KCND2: variants seen among roughly 807,000 people sequenced by gnomAD.
The protein encoded by KCND2 is A-type voltage-gated potassium channel KCND2.
In KCND2, 16 loss-of-function variants were observed where a neutral mutation model predicts 54.4. The ratio of observed to expected loss-of-function variants is 0.29; its 90% CI spans 0.20 to 0.45. The LOEUF is 0.45. KCND2 is among the 20% of genes least tolerant of loss of function. The probability of loss-of-function intolerance (pLI) is 1.00; values close to 1 mark genes in which losing one functional copy is unlikely to be tolerated. For missense variants in KCND2, 486 were observed against 824.2 expected, an observed-to-expected ratio of 0.59 and a Z score of 5.02; for synonymous variants, 317 against 310.7, an observed-to-expected ratio of 1.02 and a Z score of -0.21.
chr7:120,642,571 A>AAAAAAT (rs1187142437), intron 1 of KCND2, among the ~76,000 whole-genome samples: 27 of 149,196 alleles, frequency 1.8e-4, no homozygotes, highest in East Asian at 5.9e-4. Flanking sequence ...ATAAAAAATA[A>AAAAAAT]AAAAAAATAT....
chr7:120,739,139 T>C (rs1245340234), intron 2 of KCND2, among the ~76,000 whole-genome samples: 1 of 152,014 alleles, frequency 6.6e-6, no homozygotes, highest in Admixed American at 6.6e-5. Context: ...CATTTTATTT[T>C]GCTGGACTGT....
chr7:120,545,039 C>T (rs1261344977), intron 1 of KCND2, among the ~76,000 whole-genome samples: 1 of 151,868 alleles, frequency 6.6e-6, no homozygotes, highest in African/African-American at 2.4e-5. Flanking sequence ...GATCTTTTCA[C>T]ATTTCTGTAA....
At chr7:120,321,219 A>C (rs2116330202) in intron 1 of KCND2, among the ~76,000 whole-genome samples, 1 of 152,288 alleles carries the variant, frequency 6.6e-6, no homozygotes, top group South Asian at 2.1e-4. Context: ...TAATAATCAT[A>C]ATAACTTGTG....
intron 1 of KCND2, among the ~76,000 whole-genome samples, chr7:120,306,648 T>C (rs571454275): frequency 6.6e-6 from 1 of 152,210 alleles, no homozygotes; most frequent in African/African-American, 2.4e-5. Flanking sequence ...AATTATCATA[T>C]TCCTCAAAAA....
chr7:120,537,187 ATCTTCTTGTACATTTCTC>A (rs1371178258), intron 1 of KCND2, among the ~76,000 whole-genome samples: 88 of 152,324 alleles, frequency 5.8e-4, no homozygotes, highest in African/African-American at 1.9e-3. Context: ...AACAGTGGTG[ATCTTCTTGTACATTTCTC>A]TCAGAGCTCT....
chr7:120,447,337 T>C (rs1283164264), intron 1 of KCND2, among the ~76,000 whole-genome samples: 6 of 150,932 alleles, frequency 4.0e-5, no homozygotes, highest in African/African-American at 7.3e-5. Flanking sequence ...TCTAGGTCTT[T>C]CATTTTGTAC....
intron 1 of KCND2, among the ~76,000 whole-genome samples, chr7:120,564,986 TTGTAA>T (rs1479353568): frequency 6.6e-6 from 1 of 152,226 alleles, no homozygotes; most frequent in Non-Finnish European, 1.5e-5. Context: ...TTGTAGATAC[TTGTAA>T]TGTAGGGAAG....
chr7:120,591,648 G>A (rs2116458700), intron 1 of KCND2, among the ~76,000 whole-genome samples: 1 of 152,274 alleles, frequency 6.6e-6, no homozygotes, highest in East Asian at 1.9e-4. Context: ...TGGTTAAAGA[G>A]CTCTCAAGCA....
chr7:120,371,428 T>A (rs1385381587), intron 1 of KCND2, among the ~76,000 whole-genome samples: 1 of 152,046 alleles, frequency 6.6e-6, no homozygotes, highest in Non-Finnish European at 1.5e-5. Flanking sequence ...CTGGAAGAAT[T>A]CTTAGACTAT....
At chr7:120,713,858 A>C (rs1253173831) in intron 1 of KCND2, among the ~76,000 whole-genome samples, 2 of 152,168 alleles carry the variant, frequency 1.3e-5, no homozygotes, top group Non-Finnish European at 2.9e-5. Context: ...GTTTTGACAT[A>C]CTAGTCTTGT....
At chr7:120,498,512 C>T (rs776513624) in intron 1 of KCND2, among the ~76,000 whole-genome samples, 28 of 151,336 alleles carry the variant, frequency 1.9e-4, no homozygotes, top group Non-Finnish European at 3.5e-4. Context: ...TGGTGGCTCA[C>T]GCTTGTAATC....
At chr7:120,648,569 G>A (rs1793469818) in intron 1 of KCND2, among the ~76,000 whole-genome samples, 1 of 152,156 alleles carries the variant, frequency 6.6e-6, no homozygotes, top group African/African-American at 2.4e-5. Context: ...GAGGTGAGCA[G>A]GCAAAGAAGT....
chr7:120,657,938 T>C (rs1036340279), intron 1 of KCND2, among the ~76,000 whole-genome samples: 4 of 152,332 alleles, frequency 2.6e-5, no homozygotes, highest in African/African-American at 9.6e-5. Flanking sequence ...AGTGAATAGA[T>C]TTATGAAAAT....
intron 1 of KCND2, among the ~76,000 whole-genome samples, chr7:120,544,267 C>T (rs1012655346): frequency 6.6e-6 from 1 of 151,888 alleles, no homozygotes; most frequent in African/African-American, 2.4e-5. Flanking sequence ...AAGGTAATTA[C>T]AGCTGAGAGG....
chr7:120,516,405 T>C (rs533337708), intron 1 of KCND2, among the ~76,000 whole-genome samples: 1 of 152,254 alleles, frequency 6.6e-6, no homozygotes, highest in East Asian at 1.9e-4. Flanking sequence ...TTCAATTTCT[T>C]GAAAGATTGT....
chr7:120,581,289 T>C (rs1792511838), intron 1 of KCND2, among the ~76,000 whole-genome samples: 1 of 152,250 alleles, frequency 6.6e-6, no homozygotes. Flanking sequence ...CTCGCTTTCC[T>C]ATAGAAACCT....
intron 3 of KCND2, 63 bp downstream of exon 3, chr7:120,741,692 T>G: frequency 9.2e-7 from 1 of 1,091,674 alleles, no homozygotes; most frequent in Non-Finnish European, 1.4e-6. Context: ...GATTTAGTTC[T>G]ACTTTCCTAT....
At chr7:120,647,900 A>T in intron 1 of KCND2, among the ~76,000 whole-genome samples, 1 of 152,222 alleles carries the variant, frequency 6.6e-6, no homozygotes, top group East Asian at 1.9e-4. Flanking sequence ...GCATAGAAGT[A>T]TGTATGCATA....
At chr7:120,439,814 C>G (rs970317653) in intron 1 of KCND2, among the ~76,000 whole-genome samples, 1 of 152,038 alleles carries the variant, frequency 6.6e-6, no homozygotes, top group African/African-American at 2.4e-5. Flanking sequence ...AGGCTCATCC[C>G]TGTTGCTGTG....
Sources: allele counts gnomAD v4.1 joint callset (sites outside exome capture counted in the v4.1 genomes callset), GRCh38; gene constraint gnomAD v4.1.1; transcripts MANE v1.5; gene names NCBI Gene and HGNC (gene_info 2026-07-23, HGNC 2026-07-21).